SPOCK3: variants seen among roughly 807,000 people sequenced by gnomAD.
SPOCK3 encodes the protein SPARC (osteonectin), cwcv and kazal like domains proteoglycan 3.
SPOCK3 carries 30 observed loss-of-function variants against 56.6 expected under a neutral mutation model. The ratio of observed to expected loss-of-function variants is 0.53; its 90% CI spans 0.40 to 0.72. SPOCK3 has a LOEUF of 0.72. Among genes scored for constraint, SPOCK3 ranks in the 30% least tolerant of loss-of-function variants. SPOCK3 has a pLI of 0.00. For synonymous variants in SPOCK3, 196 were observed against 183.3 expected (o/e 1.07, Z -0.56); for missense variants, 527 against 530.0 (o/e 0.99, Z 0.06).
At chr4:166,945,679 C>T (rs193004155) in intron 4 of SPOCK3, among the ~76,000 whole-genome samples, 128 of 152,244 alleles carry the variant, frequency 8.4e-4, no homozygotes, top group African/African-American at 3.0e-3. Context: ...AGATGGCATC[C>T]CTAGTTGGGC....
chr4:167,033,602 G>A (rs1166639941), intron 3 of SPOCK3, among the ~76,000 whole-genome samples: 2 of 151,812 alleles, frequency 1.3e-5, no homozygotes, highest in East Asian at 3.9e-4. Context: ...ATGGCATGCA[G>A]GCCTTCACAC....
intron 4 of SPOCK3, among the ~76,000 whole-genome samples, chr4:166,976,113 CCACACA>C (rs140466406): frequency 6.7e-6 from 1 of 150,106 alleles, no homozygotes; most frequent in Non-Finnish European, 1.5e-5. Flanking sequence ...TCTCCACCCA[CCACACA>C]CACACACACA....
intron 2 of SPOCK3, among the ~76,000 whole-genome samples, chr4:167,083,705 A>C (rs912073918): frequency 3.3e-5 from 5 of 152,084 alleles, no homozygotes; most frequent in African/African-American, 4.8e-5. Flanking sequence ...CCCATTGATA[A>C]AATTTATATG....
At chr4:167,062,182 A>T (rs2150246507) in intron 3 of SPOCK3, among the ~76,000 whole-genome samples, 1 of 152,006 alleles carries the variant, frequency 6.6e-6, no homozygotes, top group Non-Finnish European at 1.5e-5. Flanking sequence ...CAGTGAATGT[A>T]CTTGAAAACT....
chr4:167,113,874 G>A (rs116348410), intron 2 of SPOCK3, among the ~76,000 whole-genome samples: 4 of 151,832 alleles, frequency 2.6e-5, no homozygotes, highest in African/African-American at 9.7e-5. Flanking sequence ...TCCTTCATTT[G>A]CTGCTTCCCA....
At chr4:167,090,910 C>G (rs148124558) in intron 2 of SPOCK3, among the ~76,000 whole-genome samples, 2 of 152,138 alleles carry the variant, frequency 1.3e-5, no homozygotes, top group East Asian at 3.9e-4. Flanking sequence ...TTACATTGTT[C>G]CAACAAATAA....
intron 6 of SPOCK3, among the ~76,000 whole-genome samples, chr4:166,839,642 G>A (rs1225568531): frequency 6.6e-6 from 1 of 152,098 alleles, no homozygotes; most frequent in East Asian, 1.9e-4. Flanking sequence ...CTCTTAAAAT[G>A]GCACAGGTCA....
chr4:167,193,369 T>C lies in SPOCK3; in HGVS notation c.189+40616A>G, dbSNP rs74638510. 4.8e-5 allele frequency among the ~76,000 whole-genome samples: 7 copies of C among 146,298 alleles called. No homozygotes were observed. The East Asian group carries it at 1.4e-3, about 30-fold the overall frequency. On this transcript the variant is annotated intron_variant, in intron 2 of 10. Transcript: ENST00000357545. ...AATATAGTAGTCTATTTCAAAATTATAACTAACTTCAATGGCATAAAAACC... is the reference window on the plus strand; with the variant it reads ...AATATAGTAGTCTATTTCAAAATTACAACTAACTTCAATGGCATAAAAACC...
intron 7 of SPOCK3, among the ~76,000 whole-genome samples, chr4:166,769,822 G>A (rs950289505): frequency 1.1e-4 from 16 of 152,192 alleles, no homozygotes; most frequent in Non-Finnish European, 1.5e-4. Flanking sequence ...TCCTTGAGCA[G>A]CAGTGGGCTC....
At chr4:167,091,827 A>G (rs1377547388) in intron 2 of SPOCK3, among the ~76,000 whole-genome samples, 1 of 152,182 alleles carries the variant, frequency 6.6e-6, no homozygotes, top group Non-Finnish European at 1.5e-5. Flanking sequence ...TTTATAATCT[A>G]TATTTTTGCC....
chr4:167,001,525 A>AC (rs1357616055), intron 3 of SPOCK3, among the ~76,000 whole-genome samples: 2 of 152,154 alleles, frequency 1.3e-5, no homozygotes, highest in Non-Finnish European at 2.9e-5. Context: ...TTATTTATTC[A>AC]CTAGTAGATA....
intron 6 of SPOCK3, among the ~76,000 whole-genome samples, chr4:166,806,592 A>G (rs1579283832): frequency 6.7e-6 from 1 of 149,672 alleles, no homozygotes; most frequent in East Asian, 1.9e-4. Flanking sequence ...AATCTTAAAC[A>G]CTATTTGTCC....
intron 2 of SPOCK3, among the ~76,000 whole-genome samples, chr4:167,136,649 C>T (rs973824422): frequency 1.3e-5 from 2 of 152,010 alleles, no homozygotes; most frequent in Admixed American, 6.6e-5. Context: ...TGGCCCATTT[C>T]GAATTGCTGG....
intron 3 of SPOCK3, among the ~76,000 whole-genome samples, chr4:167,035,551 T>C (rs1302517002): frequency 6.6e-6 from 1 of 152,150 alleles, no homozygotes; most frequent in African/African-American, 2.4e-5. Flanking sequence ...GGATTAACCA[T>C]GTTCTACCCT....
chr4:167,211,823 G>A (rs1307531476), intron 2 of SPOCK3, among the ~76,000 whole-genome samples: 2 of 152,078 alleles, frequency 1.3e-5, no homozygotes, highest in African/African-American at 4.8e-5. Flanking sequence ...AGTAAATATG[G>A]TACTTTTCAT....
At chr4:167,042,177 A>C (rs544872501) in intron 3 of SPOCK3, among the ~76,000 whole-genome samples, 1 of 152,272 alleles carries the variant, frequency 6.6e-6, no homozygotes, top group African/African-American at 2.4e-5. Context: ...AGAAGACACA[A>C]AAATTTGCAG....
intron 2 of SPOCK3, among the ~76,000 whole-genome samples, chr4:167,198,684 C>A (rs938005273): frequency 6.6e-6 from 1 of 152,064 alleles, no homozygotes; most frequent in Non-Finnish European, 1.5e-5. Context: ...AGTGTCCATG[C>A]TTTGAATCCT....
At position 167,150,527 on chromosome 4, in the gene SPOCK3, T is replaced by C. The variant is rs75412033; in HGVS notation, c.189+83458A>G. On this transcript the variant is annotated intron_variant, in intron 2 of 10. Coordinates refer to ENST00000357545, the MANE Select transcript of SPOCK3 (RefSeq NM_001040159.2). ...GGAAAGAGTGGAAGACACAGCCAAA[T>C]ATTAAACTGTCTGGGGAGTGCAAAC... Among the ~76,000 whole-genome samples the C allele has an allele frequency of 1.6e-3, 241 of 151,968 alleles. 2 individuals are homozygous for C. The highest frequency in any genetic ancestry group is 5.4e-3 in the African/African-American group (224 of 41,450).
At chr4:166,990,348 A>G (rs1169916389) in intron 4 of SPOCK3, among the ~76,000 whole-genome samples, 1 of 152,146 alleles carries the variant, frequency 6.6e-6, no homozygotes, top group East Asian at 1.9e-4. Flanking sequence ...TATGTAACTA[A>G]CCTGCATGTT....
Sources: allele counts gnomAD v4.1 joint callset (sites outside exome capture counted in the v4.1 genomes callset), GRCh38; gene constraint gnomAD v4.1.1; transcripts MANE v1.5; gene names NCBI Gene and HGNC (gene_info 2026-07-23, HGNC 2026-07-21).